BRF2: variants seen among roughly 807,000 people sequenced by gnomAD.
BRF2 encodes BRF2 general transcription factor IIIB subunit.
BRF2 carries 17 observed loss-of-function variants against 26.6 expected under a neutral mutation model. The ratio of observed to expected loss-of-function variants is 0.64; its 90% CI spans 0.44 to 0.96. The LOEUF (loss-of-function observed/expected upper bound fraction) is 0.96, where lower values mean the gene tolerates loss of function less well. Ranked by LOEUF, BRF2 falls within the 40% of genes least tolerant of loss-of-function variation. The pLI is 0.00. For synonymous variants in BRF2, 219 were observed against 226.6 expected, an observed-to-expected ratio of 0.97 and a Z score of 0.30; for missense variants, 515 against 537.0, an observed-to-expected ratio of 0.96 and a Z score of 0.40.
At chr8:37,848,462 G>A in intron 2 of BRF2, 134 bp downstream of exon 2, 1 of 758,076 alleles carries the variant, frequency 1.3e-6, no homozygotes, top group Non-Finnish European at 2.4e-6. Flanking sequence ...TGCCAGGCTG[G>A]TCTTGAACTC....
chr8:37,847,082 T>A lies in BRF2; in HGVS notation c.308A>T (p.His103Leu), dbSNP rs543866973. 1 of 1,614,184 alleles carries A rather than the reference T, an allele frequency of 6.2e-7. No individual in the cohort carries two copies. The highest frequency in any genetic ancestry group is 1.3e-5 in the African/African-American group (1 of 75,054). ...AVAYYQQAYR[H>L]SGIRAARLQK... ...CAGCCTGGCCGCTCGGATGCCAGAG[T>A]GCCGATATGCCTGTTGGTAGTAGGC... is the stretch of plus-strand genomic sequence containing the variant. The change falls in exon 3 of 4, where the codon CAC (histidine) becomes CTC (leucine). Residue 103 changes from histidine to leucine, a missense_variant. Coordinates refer to ENST00000220659, the MANE Select transcript of BRF2 (RefSeq NM_018310.4).
chr8:37,849,673 C>T lies in BRF2; in HGVS notation c.111G>A (p.Glu37=), dbSNP rs777424048. ...CGCTGAAGGTAGTGGTAAGGACCCC[C>T]TCGGTGACCACGCAGCCGCAGTCGG... ...VCSDCGCVVT[E]GVLTTTFSDE... is the part of the protein sequence containing the mutation. The change falls in exon 1 of 4, where the codon GAG becomes GAA. Residue 37 remains glutamate, a synonymous_variant. Coordinates refer to ENST00000220659, the MANE Select transcript of BRF2 (RefSeq NM_018310.4). The T allele has an allele frequency of 6.2e-7, 1 of 1,613,744 alleles. No homozygotes were observed. Among genetic ancestry groups the T allele is most frequent in the Non-Finnish European group, 8.5e-7 (1 of 1,179,938 alleles).
rs1805883077 is a variant in BRF2 at position 37,843,607 on chromosome 8, A to AG, written c.*882dup. The AG allele has an allele frequency of 6.6e-6, 1 of 152,266 alleles. No homozygotes were observed. The highest frequency in any genetic ancestry group is 2.4e-5 in the African/African-American group (1 of 41,456). 9.4% of individuals were successfully genotyped at this position (152,266 alleles called of 1,614,324 possible). On this transcript the variant is annotated 3_prime_UTR_variant, in exon 4 of 4. Transcript: ENST00000220659. Reference sequence around the variant, plus strand: ...ACAACAGGAAACCAAGGTCTGACCTAGGGTTCCCTCCCAGTCTTCACATCA... The same window carrying AG: ...ACAACAGGAAACCAAGGTCTGACCTAGGGGTTCCCTCCCAGTCTTCACATCA...
Position 37,846,934 on chromosome 8 carries a change from A to G in BRF2, c.456T>C (p.Thr152=). The part of the protein sequence containing the change: ...LYADLDVFSS[T]YMQIVKLLGL... ...CCAGGAGCTTCACTATCTGCATGTA[A>G]GTGCTAGAAAACACATCCAAATCTG... Residue 152 remains threonine (T), a synonymous_variant, in exon 3 of 4, where the codon ACT becomes ACC. Transcript: ENST00000220659. The G allele has an allele frequency of 6.2e-7, 1 of 1,614,140 alleles. No homozygotes were observed. The highest frequency in any genetic ancestry group is 8.5e-7 in the Non-Finnish European group (1 of 1,179,964).
chr8:37,849,816 C>T lies in BRF2; in HGVS notation c.-33G>A. ...CCGGCCCCAAAGCCGCGGAAGCCTT[C>T]AGAGACTCCTGGGTCTGCAACAGCA... On this transcript the variant is annotated 5_prime_UTR_variant, in exon 1 of 4. Coordinates refer to ENST00000220659, the MANE Select transcript of BRF2 (RefSeq NM_018310.4). The T allele has an allele frequency of 1.3e-6, 2 of 1,577,250 alleles. No individual in the cohort carries two copies. The highest frequency in any genetic ancestry group is 2.7e-5 in the African/African-American group (2 of 74,176).
At position 37,844,205 on chromosome 8, in the gene BRF2, G is replaced by A. The variant is rs1369761624; in HGVS notation, c.*285C>T. The A allele has an allele frequency of 2.4e-6, 1 of 423,822 alleles. No individual in the cohort carries two copies. The highest frequency in any genetic ancestry group is 4.3e-6 in the Non-Finnish European group (1 of 232,994). The allele number at this position is 423,822 out of a possible 1,614,324, so 26.3% of individuals were successfully genotyped here. On this transcript the variant is annotated 3_prime_UTR_variant, in exon 4 of 4. Coordinates refer to ENST00000220659, the MANE Select transcript of BRF2 (RefSeq NM_018310.4). Reference sequence around the variant, plus strand: ...GTCCAATTCAAACCAGCAGCAAAGAGCCTGACATTTTCCCATCCATCTATG... The same window carrying A: ...GTCCAATTCAAACCAGCAGCAAAGAACCTGACATTTTCCCATCCATCTATG...
In BRF2 at chr8:37,844,994, T is replaced by C. The variant is rs770431083; in HGVS notation, c.756A>G (p.Lys252=). The change falls in exon 4 of 4, where the codon AAA becomes AAG. Residue 252 remains lysine, a synonymous_variant. Transcript: ENST00000220659. ...RLSCSLARFC[K]LANVDLPYPA... ...GGTAGGGCAGGTCCACATTTGCCAA[T>C]TTACAAAATCGGGCAAGGGAACATG... 6 of 1,613,970 alleles carry C rather than the reference T, an allele frequency of 3.7e-6. No individual in the cohort carries two copies. In the South Asian group the frequency reaches 6.6e-5, roughly 18 times the overall value.
chr8:37,844,311 C>T lies in BRF2; in HGVS notation c.*179G>A. The T allele has an allele frequency of 1.4e-6, 1 of 700,714 alleles. No homozygotes were observed. The highest frequency in any genetic ancestry group is 2.4e-6 in the Non-Finnish European group (1 of 416,572). The allele number at this position is 700,714 out of a possible 1,614,324, so 43.4% of individuals were successfully genotyped here. Reference sequence around the variant, plus strand: ...GATGGGAATCTCTCCTACCTATAGTCATCCCTGCACTCCTGACTTTACTCC... The same window carrying T: ...GATGGGAATCTCTCCTACCTATAGTTATCCCTGCACTCCTGACTTTACTCC... On this transcript the variant is annotated 3_prime_UTR_variant, in exon 4 of 4. Transcript: ENST00000220659.
intron 2 of BRF2, among the ~76,000 whole-genome samples, chr8:37,847,961 A>T (rs376314191): frequency 3.0e-4 from 41 of 137,632 alleles, no homozygotes; most frequent in East Asian, 1.2e-3. Flanking sequence ...TATTATTATT[A>T]TTTTTTGAGA....
chr8:37,848,271 GA>G (rs1005791624), intron 2 of BRF2, among the ~76,000 whole-genome samples: 2 of 147,930 alleles, frequency 1.4e-5, no homozygotes, highest in Non-Finnish European at 3.0e-5. Context: ...TTTTGAGATG[GA>G]GTCTCACTCT....
Position 37,844,374 on chromosome 8 carries a change from G to T in BRF2, c.*116C>A. The T allele has an allele frequency of 7.2e-7, 1 of 1,391,894 alleles. No individual in the cohort carries two copies. Among genetic ancestry groups the T allele is most frequent in the Non-Finnish European group, 9.8e-7 (1 of 1,015,830 alleles). The allele number at this position is 1,391,894 out of a possible 1,614,324, so 86.2% of individuals were successfully genotyped here. On this transcript the variant is annotated 3_prime_UTR_variant, in exon 4 of 4. Transcript: ENST00000220659. ...CCAACTAATGGCAGAGCCCCTCTTG[G>T]TTCCTTCAAACAAGAAAAGCAATAC...
At chr8:37,845,485 C>T (rs1037983236) in intron 3 of BRF2, among the ~76,000 whole-genome samples, 2 of 152,066 alleles carry the variant, frequency 1.3e-5, no homozygotes, top group Non-Finnish European at 2.9e-5. Context: ...ATTTAATCTA[C>T]GTGCACGTGC....
chr8:37,847,088 T>A lies in BRF2; in HGVS notation c.302A>T (p.Tyr101Phe). 1 of 1,614,240 alleles carries A rather than the reference T, an allele frequency of 6.2e-7. No individual in the cohort carries two copies. The highest frequency in any genetic ancestry group is 1.6e-4 in the Middle Eastern group (1 of 6,062). Residue 101 changes from tyrosine to phenylalanine, a missense_variant, in exon 3 of 4, where the codon TAT becomes TTT. Transcript: ENST00000220659. ...DTAVAYYQQA[Y>F]RHSGIRAARL... ...GGCCGCTCGGATGCCAGAGTGCCGA[T>A]ATGCCTGTTGGTAGTAGGCAACCGC...
Position 37,844,428 on chromosome 8 carries a change from G to C in BRF2, c.*62C>G. Reference sequence around the variant, plus strand: ...CGGACTGGTGTACACTTCCATCCTTGGTTATAACAGGAATGTTATCAAGCT... The same window carrying C: ...CGGACTGGTGTACACTTCCATCCTTCGTTATAACAGGAATGTTATCAAGCT... On this transcript the variant is annotated 3_prime_UTR_variant, in exon 4 of 4. Coordinates refer to ENST00000220659, the MANE Select transcript of BRF2 (RefSeq NM_018310.4). The C allele has an allele frequency of 2.5e-6, 4 of 1,569,350 alleles. No individual in the cohort carries two copies. In the East Asian group the frequency reaches 6.7e-5, roughly 26 times the overall value.
chr8:37,847,376 C>A, intron 2 of BRF2: 1 of 679,668 alleles, frequency 1.5e-6, no homozygotes, highest in Non-Finnish European at 2.7e-6. Flanking sequence ...AAAGAAGTCA[C>A]ATTTCAGCCC....
intron 3 of BRF2, among the ~76,000 whole-genome samples, chr8:37,846,284 G>A (rs1805954998): frequency 1.3e-5 from 2 of 151,844 alleles, no homozygotes; most frequent in African/African-American, 2.4e-5. Context: ...GGAGGTGGAG[G>A]TTGCCGTGAG....
At chr8:37,845,729 G>A in intron 3 of BRF2, 1 of 699,140 alleles carries the variant, frequency 1.4e-6, no homozygotes, top group South Asian at 1.5e-5. Flanking sequence ...TTGAGCCCAT[G>A]AGTTCCAGGC....
intron 3 of BRF2, 78 bp downstream of exon 3, chr8:37,846,776 A>G: frequency 9.6e-7 from 1 of 1,045,028 alleles, no homozygotes; most frequent in East Asian, 2.4e-5. Context: ...AAAAAAAAAA[A>G]GAGATGGCCA....
At position 37,849,719 on chromosome 8, in the gene BRF2, G is replaced by C. The variant is rs1255819167; in HGVS notation, c.65C>G (p.Ser22Trp). The change falls in exon 1 of 4, where the codon TCG becomes TGG. Residue 22 changes from serine (S) to tryptophan (W), a missense_variant. Ser to Trp is a radical substitution (Grantham distance 177). Transcript: ENST00000220659. ...STELVEDSHYSQSQLVCSDCG... is the reference protein window; with the variant it reads ...STELVEDSHYWQSQLVCSDCG... The stretch of plus-strand genomic sequence containing the variant: ...GTCGGAGCACACCAGCTGGCTCTGC[G>C]AATAGTGCGAGTCTTCCACCAGCTC... 6.2e-7 allele frequency: 1 copy of C among 1,613,654 alleles called. No individual in the cohort carries two copies. The highest frequency in any genetic ancestry group is 1.7e-5 in the Admixed American group (1 of 60,024).
Sources: gnomAD v4.1 joint callset for allele counts (sites outside exome capture counted in the v4.1 genomes callset) on GRCh38, gnomAD v4.1.1 for gene constraint, MANE v1.5 for transcripts, NCBI Gene and HGNC (gene_info 2026-07-23, HGNC 2026-07-21) for gene names.